RANBP2: variants seen among roughly 807,000 people sequenced by gnomAD.
RANBP2 encodes E3 SUMO-protein ligase RanBP2.
RANBP2 carries 57 observed loss-of-function variants against 303.6 expected under a neutral mutation model. The ratio of observed to expected loss-of-function variants is 0.19; its 90% CI spans 0.15 to 0.23. The LOEUF is 0.23. Ranked by LOEUF, RANBP2 falls within the 10% of genes least tolerant of loss-of-function variation. The pLI is 1.00. For synonymous variants in RANBP2, 1,167 were observed against 1,301.5 expected (o/e 0.90, Z 2.23); for missense variants, 3,138 against 3,780.8 (o/e 0.83, Z 4.46).
the RANBP2 span, among the ~76,000 whole-genome samples, chr2:109,379,773 G>T: frequency 6.6e-6 from 1 of 152,078 alleles, no homozygotes; most frequent in Non-Finnish European, 1.5e-5. Flanking sequence ...AAGCCCTCCT[G>T]CAGGTGAAGC....
the RANBP2 span, among the ~76,000 whole-genome samples, chr2:109,238,443 G>A: frequency 7.4e-6 from 1 of 134,848 alleles, no homozygotes; most frequent in African/African-American, 2.8e-5. Context: ...TGTTTGTTAT[G>A]TATATTTGTG....
chr2:109,180,714 A>G, the RANBP2 span, among the ~76,000 whole-genome samples: 2 of 151,998 alleles, frequency 1.3e-5, no homozygotes, highest in Non-Finnish European at 2.9e-5. Flanking sequence ...TCCTTCCACC[A>G]CCATTGTGAG....
the RANBP2 span, among the ~76,000 whole-genome samples, chr2:109,375,381 C>G: frequency 2.0e-5 from 3 of 152,258 alleles, no homozygotes; most frequent in African/African-American, 7.2e-5. Flanking sequence ...CATCAGATGC[C>G]AGCTGGACAG....
the RANBP2 span, among the ~76,000 whole-genome samples, chr2:109,041,649 G>A: frequency 1.3e-5 from 2 of 149,408 alleles, no homozygotes; most frequent in Non-Finnish European, 3.0e-5. Context: ...AGCCTCCCGA[G>A]GAGCTCGGAC....
chr2:108,728,586 C>A (rs1694915683), intron 1 of RANBP2, among the ~76,000 whole-genome samples: 1 of 135,594 alleles, frequency 7.4e-6, no homozygotes, highest in Non-Finnish European at 1.6e-5. Context: ...CAACTGCACC[C>A]AGCTTATTTA....
chr2:109,148,614 T>C, the RANBP2 span, among the ~76,000 whole-genome samples: 2 of 152,198 alleles, frequency 1.3e-5, no homozygotes, highest in Non-Finnish European at 2.9e-5. Context: ...TATGTATAAT[T>C]AAAGATGGCA....
chr2:109,471,596 A>T, the RANBP2 span, among the ~76,000 whole-genome samples: 3 of 152,232 alleles, frequency 2.0e-5, no homozygotes, highest in Non-Finnish European at 4.4e-5. Flanking sequence ...TCATTGGAAC[A>T]GCTCATGTAG....
chr2:108,796,546 C>A, the RANBP2 span, among the ~76,000 whole-genome samples: 2 of 152,174 alleles, frequency 1.3e-5, no homozygotes, highest in African/African-American at 4.8e-5. Flanking sequence ...CATTGCAGCT[C>A]TGTTCATAAT....
the RANBP2 span, among the ~76,000 whole-genome samples, chr2:109,086,531 C>G: frequency 6.6e-6 from 1 of 152,198 alleles, no homozygotes; most frequent in South Asian, 2.1e-4. Flanking sequence ...CTCATGGCAA[C>G]CGAGCTGGGC....
chr2:109,182,516 A>G, the RANBP2 span, among the ~76,000 whole-genome samples: 4 of 152,232 alleles, frequency 2.6e-5, no homozygotes, highest in Non-Finnish European at 4.4e-5. Flanking sequence ...TCACATAGTC[A>G]GGTGTTTTTC....
the RANBP2 span, among the ~76,000 whole-genome samples, chr2:109,182,065 A>G: frequency 6.6e-6 from 1 of 152,230 alleles, no homozygotes; most frequent in Admixed American, 6.5e-5. Flanking sequence ...GTAAACCTGA[A>G]TAATTTTTGA....
chr2:108,846,080 G>A, the RANBP2 span, among the ~76,000 whole-genome samples: 1 of 152,048 alleles, frequency 6.6e-6, no homozygotes, highest in Non-Finnish European at 1.5e-5. Flanking sequence ...TAGCTGAAGG[G>A]ACTGAGGCTC....
chr2:108,795,946 T>C, the RANBP2 span, among the ~76,000 whole-genome samples: 56 of 152,320 alleles, frequency 3.7e-4, no homozygotes, highest in African/African-American at 1.3e-3. Context: ...ATAGGCAAGA[T>C]TGCAAGGATG....
the RANBP2 span, among the ~76,000 whole-genome samples, chr2:109,318,297 C>T: frequency 2.0e-5 from 3 of 152,036 alleles, no homozygotes; most frequent in African/African-American, 4.8e-5. Flanking sequence ...GCGACTGCTC[C>T]TCCTAGCGTG....
At chr2:108,751,815 T>C in intron 11 of RANBP2, 56 bp from the exon 12 acceptor site, 3 of 1,612,006 alleles carry the variant, frequency 1.9e-6, no homozygotes, top group Non-Finnish European at 2.5e-6. Context: ...TATATGTATG[T>C]AAGCCCTGAA....
chr2:109,153,543 A>G, the RANBP2 span, among the ~76,000 whole-genome samples: 1 of 152,236 alleles, frequency 6.6e-6, no homozygotes, highest in Non-Finnish European at 1.5e-5. Context: ...TCAGTGTGCA[A>G]TGCCTTATCA....
chr2:109,437,884 C>T, the RANBP2 span, among the ~76,000 whole-genome samples: 1 of 152,140 alleles, frequency 6.6e-6, no homozygotes, highest in Non-Finnish European at 1.5e-5. Context: ...GGAGCCCATG[C>T]CACGGCGTCT....
the RANBP2 span, among the ~76,000 whole-genome samples, chr2:109,382,155 T>G: frequency 1.3e-5 from 2 of 152,212 alleles, no homozygotes; most frequent in African/African-American, 2.4e-5. Context: ...TGATAGCACC[T>G]ATTGTTAGGG....
chr2:109,413,703 A>G, the RANBP2 span, among the ~76,000 whole-genome samples: 1 of 152,122 alleles, frequency 6.6e-6, no homozygotes, highest in Non-Finnish European at 1.5e-5. Flanking sequence ...CCAGCCCTCC[A>G]CACAGCATAG....
Sources: gnomAD v4.1 joint callset for allele counts (sites outside exome capture counted in the v4.1 genomes callset) on GRCh38, gnomAD v4.1.1 for gene constraint, MANE v1.5 for transcripts, NCBI Gene and HGNC (gene_info 2026-07-23, HGNC 2026-07-21) for gene names.